Variants in GFRA2 observed in about 807,000 individuals in gnomAD.
The protein encoded by GFRA2 is GDNF family receptor alpha 2.
A neutral mutation model predicts 48.3 loss-of-function variants in GFRA2; 17 were observed. The ratio of observed to expected loss-of-function variants is 0.35; its 90% CI spans 0.24 to 0.53. The LOEUF (loss-of-function observed/expected upper bound fraction) is 0.53. GFRA2 is among the 20% of genes least tolerant of loss of function. The pLI, the probability that GFRA2 is intolerant of heterozygous loss-of-function variation, is 0.93. For synonymous variants in GFRA2, 305 were observed against 257.2 expected (o/e 1.19, Z -1.78); for missense variants, 660 against 637.3 (o/e 1.04, Z -0.38).
chr8:21,700,519 A>C (rs1423335270), intron 7 of GFRA2, among the ~76,000 whole-genome samples: 1 of 152,096 alleles, frequency 6.6e-6, no homozygotes, highest in Non-Finnish European at 1.5e-5. Context: ...GCAGATTTGG[A>C]GGAGGAGGAA....
intron 2 of GFRA2, among the ~76,000 whole-genome samples, chr8:21,803,861 A>C (rs1001412902): frequency 6.6e-6 from 1 of 152,144 alleles, no homozygotes; most frequent in African/African-American, 2.4e-5. Context: ...TGAAACTCCC[A>C]GCGACCCAAA....
intron 2 of GFRA2, among the ~76,000 whole-genome samples, chr8:21,803,919 A>G (rs2117116874): frequency 6.6e-6 from 1 of 152,382 alleles, no homozygotes; most frequent in South Asian, 2.1e-4. Context: ...CATAGCTAAC[A>G]TTAAGTGAAC....
chr8:21,697,728 G>T (rs1164558804), intron 7 of GFRA2, among the ~76,000 whole-genome samples: 1 of 152,160 alleles, frequency 6.6e-6, no homozygotes, highest in African/African-American at 2.4e-5. Flanking sequence ...ATGTGTTGTG[G>T]GAGGGAACCA....
intron 4 of GFRA2, among the ~76,000 whole-genome samples, chr8:21,727,580 G>C (rs761679266): frequency 6.6e-6 from 1 of 152,172 alleles, no homozygotes; most frequent in African/African-American, 2.4e-5. Context: ...GGCATGGTTC[G>C]GGTTCCTAGA....
intron 3 of GFRA2, among the ~76,000 whole-genome samples, chr8:21,768,028 C>T (rs1267875028): frequency 3.9e-5 from 6 of 152,222 alleles, no homozygotes; most frequent in African/African-American, 9.6e-5. Context: ...CCGCCACCTG[C>T]GGAGAGGGAA....
intron 3 of GFRA2, among the ~76,000 whole-genome samples, chr8:21,762,456 T>C (rs1305785961): frequency 6.6e-6 from 1 of 152,154 alleles, no homozygotes; most frequent in African/African-American, 2.4e-5. Context: ...TAATCTCAAC[T>C]TTCTTTCTGA....
rs747308817 is a variant in GFRA2 at position 21,693,395 on chromosome 8, C to A, written c.1278G>T (p.Thr426=). Residue 426 remains threonine, a synonymous_variant, in exon 9 of 9, where the codon ACG becomes ACT. Coordinates refer to ENST00000524240, the MANE Select transcript of GFRA2 (RefSeq NM_001495.5). The part of the protein sequence containing the change: ...KELSMCFTEL[T]TNIIPGSNKV... ...TGTTACTCCCTGGGATGATATTTGT[C>A]GTGAGCTGAGTCCGCAGCAGGAGAA... 5 of 1,608,272 alleles carry A rather than the reference C, an allele frequency of 3.1e-6. No individual in the cohort carries two copies. Among genetic ancestry groups the A allele is most frequent in the Admixed American group, 3.4e-5 (2 of 59,298 alleles).
At chr8:21,706,189 C>G (rs547091228) in intron 4 of GFRA2, 148 bp from the exon 5 acceptor site, 1 of 639,618 alleles carries the variant, frequency 1.6e-6, no homozygotes. Context: ...GTCGGGGGAA[C>G]CAAGTCTTTG....
At chr8:21,773,580 T>TA (rs1806542809) in intron 3 of GFRA2, among the ~76,000 whole-genome samples, 1 of 152,240 alleles carries the variant, frequency 6.6e-6, no homozygotes, top group Non-Finnish European at 1.5e-5. Flanking sequence ...AAGGAGATCT[T>TA]ACAATGGTTT....
At chr8:21,790,734 AG>A (rs1398209313), upstream of GFRA2, among the ~76,000 whole-genome samples, 54 of 152,306 alleles carry the variant, frequency 3.5e-4, no homozygotes, top group African/African-American at 1.1e-3. Context: ...AGTTGGGGAA[AG>A]CCCCCTTCAG....
intron 3 of GFRA2, among the ~76,000 whole-genome samples, chr8:21,753,732 A>T (rs1805411854): frequency 6.6e-6 from 1 of 152,262 alleles, no homozygotes; most frequent in Admixed American, 6.5e-5. Flanking sequence ...AAACAAATGT[A>T]GTAATAAAAA....
In GFRA2 at chr8:21,784,793, CG is replaced by C. The variant is rs1256890086; in HGVS notation, c.41-1895del. On this transcript the variant is annotated intron_variant, in intron 1 of 8. Transcript: ENST00000524240. ...GACAAGACCAGAGAAGAAATCAGACCGGAGTTTGAGGCCCGGCACTGGCTGG... is the reference window on the plus strand; with the variant it reads ...GACAAGACCAGAGAAGAAATCAGACCGAGTTTGAGGCCCGGCACTGGCTGG... 2.5e-4 allele frequency among the ~76,000 whole-genome samples: 38 copies of C among 152,264 alleles called. No individual in the cohort carries two copies. The East Asian group carries it at 7.3e-3, about 29-fold the overall frequency.
At chr8:21,718,602 G>A (rs1006343989) in intron 4 of GFRA2, among the ~76,000 whole-genome samples, 1 of 152,164 alleles carries the variant, frequency 6.6e-6, no homozygotes, top group African/African-American at 2.4e-5. Context: ...ACACCATGTA[G>A]AAGGCAGGAG....
intron 3 of GFRA2, among the ~76,000 whole-genome samples, chr8:21,756,126 G>T (rs956487904): frequency 6.6e-6 from 1 of 152,176 alleles, no homozygotes. Flanking sequence ...TTAGGGCTGC[G>T]GCTGCCCCCA....
chr8:21,788,078 C>CCT, intron 1 of GFRA2, 42 bp downstream of exon 1: 1 of 1,067,882 alleles, frequency 9.4e-7, no homozygotes, highest in South Asian at 1.5e-5. Flanking sequence ...GCCTCCCCGG[C>CCT]TTCTCGCCTC....
At chr8:21,781,647 T>C (rs1806991117) in intron 2 of GFRA2, among the ~76,000 whole-genome samples, 1 of 148,630 alleles carries the variant, frequency 6.7e-6, no homozygotes. Flanking sequence ...GCCCCCTTAT[T>C]TATCCGCACC....
intron 1 of GFRA2, among the ~76,000 whole-genome samples, chr8:21,809,400 C>A (rs911543718): frequency 6.6e-6 from 1 of 152,238 alleles, no homozygotes; most frequent in Admixed American, 6.5e-5. Flanking sequence ...TCTCAGCTCA[C>A]GGCAAGCTCC....
chr8:21,811,119 G>A (rs900812293), intron 1 of GFRA2, among the ~76,000 whole-genome samples: 1 of 152,218 alleles, frequency 6.6e-6, no homozygotes, highest in African/African-American at 2.4e-5. Context: ...CAGAGAACAA[G>A]GGCCAGGACA....
At chr8:21,725,975 T>C (rs117634966) in intron 4 of GFRA2, among the ~76,000 whole-genome samples, 2,603 of 152,342 alleles carry the variant, frequency 0.017, 36 homozygotes, top group Middle Eastern at 0.048. Flanking sequence ...GGCTCTCTCC[T>C]GAGTGTCCCC....
Sources: gnomAD v4.1 joint callset for allele counts (sites outside exome capture counted in the v4.1 genomes callset) on GRCh38, gnomAD v4.1.1 for gene constraint, MANE v1.5 for transcripts, NCBI Gene and HGNC (gene_info 2026-07-23, HGNC 2026-07-21) for gene names.